Variants in ARHGAP6 observed in about 807,000 individuals in gnomAD.
ARHGAP6 encodes the protein rho GTPase-activating protein 6.
ARHGAP6 carries 16 observed loss-of-function variants against 55.7 expected under a neutral mutation model. The ratio of observed to expected loss-of-function variants is 0.29; its 90% CI spans 0.19 to 0.44. ARHGAP6 has a LOEUF of 0.44. Among genes scored for constraint, ARHGAP6 ranks in the 20% least tolerant of loss-of-function variants. ARHGAP6 has a pLI of 1.00. For synonymous variants in ARHGAP6, 382 were observed against 360.9 expected, an observed-to-expected ratio of 1.06 and a Z score of -0.66; for missense variants, 698 against 808.9, an observed-to-expected ratio of 0.86 and a Z score of 1.66.
chrX:11,646,976 TGTCA>T (rs1383431901), intron 1 of ARHGAP6, among the ~76,000 whole-genome samples: 1 of 112,252 alleles, frequency 8.9e-6, no homozygotes, highest in African/African-American at 3.2e-5. Flanking sequence ...CATCAATTTT[TGTCA>T]ATCAAGAGAA....
intron 1 of ARHGAP6, among the ~76,000 whole-genome samples, chrX:11,600,800 G>C (rs977880469): frequency 1.8e-5 from 2 of 112,116 alleles, no homozygotes; most frequent in African/African-American, 6.5e-5. Context: ...ACCAGTAGGG[G>C]AGTGTGAAGT....
intron 1 of ARHGAP6, among the ~76,000 whole-genome samples, chrX:11,654,751 G>A (rs1425977979): frequency 1.8e-5 from 2 of 111,599 alleles, no homozygotes; most frequent in Non-Finnish European, 3.8e-5. Flanking sequence ...TCCCAGAGCC[G>A]TTACTACCTC....
At chrX:11,538,849 GTT>G (rs34683200) in intron 1 of ARHGAP6, among the ~76,000 whole-genome samples, 34 of 86,178 alleles carry the variant, frequency 3.9e-4, no homozygotes, top group African/African-American at 7.6e-4. Flanking sequence ...TGTGTGTGTG[GTT>G]TTTTTTTTTT....
chrX:11,404,320 C>T (rs16986450), intron 1 of ARHGAP6, among the ~76,000 whole-genome samples: 18,352 of 110,643 alleles, frequency 0.17, 1,248 homozygotes, highest in Middle Eastern at 0.27. Context: ...CCTTAAAATC[C>T]GATTCTACAT....
At chrX:11,426,529 TTCAAGGAAAAC>T (rs1299264866) in intron 1 of ARHGAP6, among the ~76,000 whole-genome samples, 1 of 110,548 alleles carries the variant, frequency 9.0e-6, no homozygotes, top group Non-Finnish European at 1.9e-5. Flanking sequence ...TGCAAATCAA[TTCAAGGAAAAC>T]TCAGTAAATT....
chrX:11,559,952 A>ATAATAATAATAATAATAC (rs2051367133), intron 1 of ARHGAP6, among the ~76,000 whole-genome samples: 2 of 106,876 alleles, frequency 1.9e-5, no homozygotes, highest in African/African-American at 6.8e-5. Context: ...AATAATAATA[A>ATAATAATAATAATAATAC]TAATAATAAT....
chrX:11,357,688 G>C (rs1292934771), intron 1 of ARHGAP6, among the ~76,000 whole-genome samples: 2 of 111,358 alleles, frequency 1.8e-5, no homozygotes, highest in African/African-American at 3.3e-5. Context: ...CTTTGTGAGA[G>C]ATGACATCAC....
At chrX:11,550,859 G>A (rs2051259250) in intron 1 of ARHGAP6, among the ~76,000 whole-genome samples, 1 of 111,918 alleles carries the variant, frequency 8.9e-6, no homozygotes, top group Non-Finnish European at 1.9e-5. Context: ...GATAAACTAA[G>A]GGGGCCCAGT....
rs953583000 is a variant in ARHGAP6 at position 11,639,827 on chromosome X, C to G, written c.588+24414G>C. Among the ~76,000 whole-genome samples the G allele has an allele frequency of 2.7e-5, 3 of 110,701 alleles. No individual in the cohort carries two copies. The Admixed American group carries it at 2.9e-4, about 11-fold the overall frequency. ...AAGATAATCACCAACCTGCTCCTGACCCCCCACCAACTTCTAACCCCAATG... is the reference window on the plus strand; with the variant it reads ...AAGATAATCACCAACCTGCTCCTGAGCCCCCACCAACTTCTAACCCCAATG... On this transcript the variant is annotated intron_variant, in intron 1 of 12. Transcript: ENST00000337414.
At chrX:11,516,991 A>G (rs762604304) in intron 1 of ARHGAP6, among the ~76,000 whole-genome samples, 60 of 111,770 alleles carry the variant, frequency 5.4e-4, no homozygotes, top group African/African-American at 1.8e-3. Flanking sequence ...TCTATCCGCG[A>G]GCCTCTCTCC....
chrX:11,268,720 G>C (rs1489934707), intron 1 of ARHGAP6, among the ~76,000 whole-genome samples: 1 of 111,506 alleles, frequency 9.0e-6, no homozygotes, highest in Non-Finnish European at 1.9e-5. Context: ...AGTCCCAGGA[G>C]TGGACCACAT....
chrX:11,154,479 TA>T (rs772430694), intron 10 of ARHGAP6, among the ~76,000 whole-genome samples: 1 of 112,444 alleles, frequency 8.9e-6, no homozygotes, highest in Non-Finnish European at 1.9e-5. Context: ...GAAAACCATG[TA>T]AAAAAACTTC....
chrX:11,315,440 C>G (rs746894493), intron 1 of ARHGAP6, among the ~76,000 whole-genome samples: 1 of 112,086 alleles, frequency 8.9e-6, no homozygotes, highest in African/African-American at 3.2e-5. Flanking sequence ...AATGCTCACT[C>G]CTGCTGTGCA....
chrX:11,200,972 G>A (rs984868724), intron 2 of ARHGAP6, among the ~76,000 whole-genome samples: 6 of 112,333 alleles, frequency 5.3e-5, no homozygotes, highest in Non-Finnish European at 9.4e-5. Flanking sequence ...AAGAGGGTAT[G>A]AGGGACTCTT....
intron 1 of ARHGAP6, among the ~76,000 whole-genome samples, chrX:11,406,338 C>T (rs978264261): frequency 1.8e-5 from 2 of 111,698 alleles, no homozygotes; most frequent in Admixed American, 1.9e-4. Context: ...TACTGAGCCT[C>T]AGCTAGGAAA....
intron 1 of ARHGAP6, among the ~76,000 whole-genome samples, chrX:11,448,518 C>T (rs751073942): frequency 8.9e-5 from 10 of 112,002 alleles, no homozygotes; most frequent in Non-Finnish European, 1.3e-4. Flanking sequence ...AGCCTGTACT[C>T]ACTCCACTTC....
At chrX:11,168,034 TTTTCAAGCCTCGC>T (rs1489651088) in intron 9 of ARHGAP6, among the ~76,000 whole-genome samples, 1 of 112,059 alleles carries the variant, frequency 8.9e-6, no homozygotes, top group Non-Finnish European at 1.9e-5. Context: ...CCAGGATACA[TTTTCAAGCCTCGC>T]TTGAAGTTAA....
chrX:11,581,982 C>CA (rs200137377), intron 1 of ARHGAP6, among the ~76,000 whole-genome samples: 345 of 110,250 alleles, frequency 3.1e-3, no homozygotes, highest in Non-Finnish European at 3.7e-3. Context: ...CTTAGAACAA[C>CA]AAAAAAAAAC....
At position 11,664,526 on chromosome X, in the gene ARHGAP6, C is replaced by G; in HGVS notation, c.303G>C (p.Ser101=). Residue 101 remains serine (S), a synonymous_variant, in exon 1 of 13, where the codon TCG becomes TCC. Transcript: ENST00000337414. ...GCGGGGTGCTGGGTGTGGAGAAGGACGAGCAAAGAGGTCCAGGAGGCGGTA... is the reference window on the plus strand; with the variant it reads ...GCGGGGTGCTGGGTGTGGAGAAGGAGGAGCAAAGAGGTCCAGGAGGCGGTA... ...TRLPPPGPLC[S]SFSTPSTPQE... The G allele has an allele frequency of 8.3e-7, 1 of 1,203,067 alleles. No individual in the cohort carries two copies. Among genetic ancestry groups the G allele is most frequent in the Non-Finnish European group, 1.1e-6 (1 of 890,888 alleles).
Sources: allele counts gnomAD v4.1 joint callset (sites outside exome capture counted in the v4.1 genomes callset), GRCh38; gene constraint gnomAD v4.1.1; transcripts MANE v1.5; gene names NCBI Gene and HGNC (gene_info 2026-07-23, HGNC 2026-07-21).